APBB2: variants seen among roughly 807,000 people sequenced by gnomAD.
APBB2 encodes amyloid beta precursor protein binding family B member 2.
In APBB2, 38 loss-of-function variants were observed where a neutral mutation model predicts 82.5. That is an observed-to-expected ratio of 0.46 (90% CI 0.36 to 0.60). APBB2 has a LOEUF of 0.60. APBB2 is among the 20% of genes least tolerant of loss of function. The probability of loss-of-function intolerance (pLI) is 0.00; values close to 1 mark genes in which losing one functional copy is unlikely to be tolerated. For missense variants in APBB2, 772 were observed against 972.3 expected, an observed-to-expected ratio of 0.79 and a Z score of 2.74; for synonymous variants, 341 against 368.2, an observed-to-expected ratio of 0.93 and a Z score of 0.85.
At chr4:40,939,539 C>G (rs1467820031) in intron 7 of APBB2, among the ~76,000 whole-genome samples, 1 of 152,156 alleles carries the variant, frequency 6.6e-6, no homozygotes, top group African/African-American at 2.4e-5. Context: ...GGCAGAAAAC[C>G]TGGAATTCCA....
rs370676938 is a variant in APBB2, at chr4:40,956,622, G to GA, written c.836-11550dup. ...TATTTTAACAGTTGTTTAAAAAAAAGAAAAAAAAAAACCTTAACAGTTCTG... is the reference window on the plus strand; with the variant it reads ...TATTTTAACAGTTGTTTAAAAAAAAGAAAAAAAAAAAACCTTAACAGTTCTG... On this transcript the variant is annotated intron_variant, in intron 6 of 17. Transcript: ENST00000508593. Among the ~76,000 whole-genome samples, 230 of 143,090 alleles carry GA rather than the reference G, an allele frequency of 1.6e-3. 2 individuals carry two copies. The highest frequency in any genetic ancestry group is 3.5e-3 in the Middle Eastern group (1 of 284). 93.9% of individuals were successfully genotyped at this position (143,090 alleles called of 152,430 possible).
chr4:41,137,829 A>G (rs1017480612), intron 2 of APBB2, among the ~76,000 whole-genome samples: 1 of 152,218 alleles, frequency 6.6e-6, no homozygotes, highest in African/African-American at 2.4e-5. Flanking sequence ...TAAGATAAAC[A>G]TAGACCCAAA....
At chr4:40,821,727 C>G (rs3816100) in intron 17 of APBB2, 144 bp downstream of exon 17, 292,928 of 951,334 alleles carry the variant, frequency 0.31, 46,566 homozygotes, top group Middle Eastern at 0.34. Context: ...GATTCTGGCC[C>G]TAGGAATGAC....
At chr4:41,132,325 C>T (rs1237879003) in intron 2 of APBB2, among the ~76,000 whole-genome samples, 9 of 152,152 alleles carry the variant, frequency 5.9e-5, no homozygotes, top group Admixed American at 5.9e-4. Context: ...TTAGAGGAAT[C>T]ATCTCCTTTG....
chr4:41,160,378 C>T (rs1196963903), intron 1 of APBB2, among the ~76,000 whole-genome samples: 2 of 152,202 alleles, frequency 1.3e-5, no homozygotes, highest in Non-Finnish European at 2.9e-5. Flanking sequence ...ACAGAGATGA[C>T]TTTTTAAATA....
intron 5 of APBB2, among the ~76,000 whole-genome samples, chr4:41,018,554 A>G (rs1258317935): frequency 6.6e-6 from 1 of 152,200 alleles, no homozygotes; most frequent in African/African-American, 2.4e-5. Context: ...CAACAGCAGG[A>G]GGAATGAATG....
chr4:41,025,376 G>T (rs114976140), intron 5 of APBB2, among the ~76,000 whole-genome samples: 2 of 151,698 alleles, frequency 1.3e-5, no homozygotes, highest in Admixed American at 6.6e-5. Flanking sequence ...GTGAGATTGC[G>T]GAGAAAAGGG....
At chr4:40,879,090 A>T in intron 12 of APBB2, among the ~76,000 whole-genome samples, 1 of 152,026 alleles carries the variant, frequency 6.6e-6, no homozygotes, top group Non-Finnish European at 1.5e-5. Context: ...TAACAAAGAA[A>T]CATGAGACCC....
At position 41,127,718 on chromosome 4, in the gene APBB2, T is replaced by C. The variant is rs1754780907; in HGVS notation, c.-261+15269A>G. Reference sequence around the variant, plus strand: ...GCAAAAGGCTAGGCACGATGGGTCATGCCTGTAATCCCAGCACTTTGGGAG... The same window carrying C: ...GCAAAAGGCTAGGCACGATGGGTCACGCCTGTAATCCCAGCACTTTGGGAG... On this transcript the variant is annotated intron_variant, in intron 2 of 17. Transcript: ENST00000508593. The surrounding 1 kb of genome is among the most constrained non-coding windows in gnomAD (Gnocchi z 4.8). Among the ~76,000 whole-genome samples the C allele has an allele frequency of 1.3e-5, 2 of 152,198 alleles. No individual in the cohort carries two copies. Among genetic ancestry groups the C allele is most frequent in the South Asian group, 4.1e-4 (2 of 4,828 alleles).
At chr4:40,859,730 C>T (rs188022445) in intron 12 of APBB2, among the ~76,000 whole-genome samples, 9 of 152,306 alleles carry the variant, frequency 5.9e-5, no homozygotes, top group Admixed American at 3.9e-4. Flanking sequence ...TCTCACAGGC[C>T]GCCTGGGATC....
At chr4:40,994,032 G>A (rs1180287461) in intron 6 of APBB2, among the ~76,000 whole-genome samples, 3 of 152,092 alleles carry the variant, frequency 2.0e-5, no homozygotes, top group African/African-American at 7.2e-5. Flanking sequence ...GCTCACACCT[G>A]TAATCCCAGC....
chr4:41,128,963 C>T (rs922132469), intron 2 of APBB2, among the ~76,000 whole-genome samples: 3 of 152,108 alleles, frequency 2.0e-5, no homozygotes, highest in African/African-American at 4.8e-5. Flanking sequence ...TTTATCTACC[C>T]CTAAGCCCCA....
In APBB2 at chr4:40,938,331, AG is replaced by A. The variant is rs1312457457; in HGVS notation, c.1045-3193del. On this transcript the variant is annotated intron_variant, in intron 7 of 17. Coordinates refer to ENST00000508593, the MANE Select transcript of APBB2 (RefSeq NM_004307.2). The stretch of plus-strand genomic sequence containing the variant: ...TTAGCTCCTCAGAGACAGTGTGTCT[AG>A]GGGGACTGACCCAATGCCCGGGGTA... Among the ~76,000 whole-genome samples the A allele has an allele frequency of 2.0e-5, 3 of 152,190 alleles. No individual in the cohort carries two copies. The East Asian group carries it at 5.8e-4, about 29-fold the overall frequency.
chr4:40,984,612 T>C (rs920226625), intron 6 of APBB2, among the ~76,000 whole-genome samples: 4 of 152,142 alleles, frequency 2.6e-5, no homozygotes, highest in Non-Finnish European at 5.9e-5. Flanking sequence ...TGATAAGCGT[T>C]CTTCTAGAGC....
At chr4:41,017,041 C>T (rs949121204) in intron 5 of APBB2, among the ~76,000 whole-genome samples, 3 of 151,918 alleles carry the variant, frequency 2.0e-5, no homozygotes, top group Non-Finnish European at 2.9e-5. Flanking sequence ...AGACCACAGG[C>T]GTATACACCA....
chr4:40,972,212 G>A (rs1796091233), intron 6 of APBB2, among the ~76,000 whole-genome samples: 2 of 151,926 alleles, frequency 1.3e-5, no homozygotes, highest in Admixed American at 1.3e-4. Flanking sequence ...GTGGATCACA[G>A]GGTCAGGAGA....
intron 6 of APBB2, among the ~76,000 whole-genome samples, chr4:40,997,702 T>C (rs1000964430): frequency 2.0e-5 from 3 of 152,226 alleles, no homozygotes; most frequent in African/African-American, 4.8e-5. Flanking sequence ...ATTTAAGTGA[T>C]AGGGCACAAA....
chr4:40,890,832 C>T (rs1232286541), intron 11 of APBB2: 6 of 185,904 alleles, frequency 3.2e-5, no homozygotes, highest in Non-Finnish European at 6.7e-5. Flanking sequence ...ATTCCATGCC[C>T]ATCAAACTCT....
intron 6 of APBB2, among the ~76,000 whole-genome samples, chr4:40,958,846 T>A (rs1257961748): frequency 1.3e-5 from 2 of 152,332 alleles, no homozygotes; most frequent in East Asian, 1.9e-4. Context: ...CCTCAAGTGA[T>A]CCTCCCGCCT....
Sources: gnomAD v4.1 joint callset for allele counts (sites outside exome capture counted in the v4.1 genomes callset) on GRCh38, gnomAD v4.1.1 for gene constraint, Gnocchi (gnomAD v3.1) non-coding constraint, MANE v1.5 for transcripts, NCBI Gene and HGNC (gene_info 2026-07-23, HGNC 2026-07-21) for gene names.